XPO4: variants seen among roughly 807,000 people sequenced by gnomAD.
XPO4 encodes exportin 4.
A neutral mutation model predicts 143.0 loss-of-function variants in XPO4; 39 were observed. That is an observed-to-expected ratio of 0.27 (90% CI 0.21 to 0.36). The LOEUF is 0.36. Ranked by LOEUF, XPO4 falls within the 10% of genes least tolerant of loss-of-function variation. XPO4 has a pLI of 1.00. For missense variants in XPO4, 907 were observed against 1,348.0 expected (o/e 0.67, Z 5.12); for synonymous variants, 439 against 474.0 (o/e 0.93, Z 0.96).
At chr13:20,791,096 C>T (rs1358836063) in intron 18 of XPO4, among the ~76,000 whole-genome samples, 6 of 151,616 alleles carry the variant, frequency 4.0e-5, no homozygotes, top group Non-Finnish European at 8.8e-5. Context: ...GGTTATCATT[C>T]TTAATACATA....
intron 12 of XPO4, 88 bp from the exon 13 acceptor site, chr13:20,807,722 AC>A (rs2059525562): frequency 3.0e-6 from 3 of 988,332 alleles, no homozygotes; most frequent in Admixed American, 3.5e-5. Context: ...TGATTTATAT[AC>A]ATCATATAAA....
intron 6 of XPO4, among the ~76,000 whole-genome samples, chr13:20,827,965 C>T (rs865970365): frequency 6.6e-5 from 10 of 152,274 alleles, no homozygotes; most frequent in South Asian, 4.1e-4. Context: ...CGGCCAGTCA[C>T]GGTGGCTCAC....
intron 4 of XPO4, among the ~76,000 whole-genome samples, chr13:20,854,295 G>A (rs1228100131): frequency 5.3e-5 from 8 of 152,156 alleles, no homozygotes; most frequent in Non-Finnish European, 7.3e-5. Context: ...AGAGTGAGTT[G>A]AGCGCATAGC....
intron 6 of XPO4, 32 bp from the exon 7 acceptor site, chr13:20,827,211 A>G (rs2059796011): frequency 1.4e-6 from 2 of 1,466,374 alleles, no homozygotes. Context: ...CAACAATAAC[A>G]TTCTTACTTT....
intron 1 of XPO4, among the ~76,000 whole-genome samples, chr13:20,897,131 A>C (rs941701890): frequency 9.2e-5 from 14 of 152,186 alleles, no homozygotes; most frequent in Non-Finnish European, 1.9e-4. Context: ...ACTACAAGAC[A>C]GGGCTGAAAT....
chr13:20,794,828 C>T (rs2059334971), intron 18 of XPO4, among the ~76,000 whole-genome samples: 1 of 151,922 alleles, frequency 6.6e-6, no homozygotes, highest in South Asian at 2.1e-4. Context: ...AAGGCTGGGC[C>T]TAAAAACAGA....
At position 20,799,080 on chromosome 13, in the gene XPO4, CT is replaced by C. The variant is rs1218990840; in HGVS notation, c.2322+84del. ...AAAGCTATGACTGATACATTTATGT[CT>C]CCAGAGACTCTTACGGCAACGCATA... On this transcript the variant is annotated intron_variant, in intron 16 of 22. Transcript: ENST00000255305. 5 of 1,234,030 alleles carry C rather than the reference CT, an allele frequency of 4.1e-6. No individual in the cohort carries two copies. The African/African-American group carries it at 7.5e-5, about 19-fold the overall frequency. The allele number at this position is 1,234,030 out of a possible 1,614,324, so 76.4% of individuals were successfully genotyped here. A position where few individuals can be genotyped will look rare whatever the true frequency, so the allele number is the denominator to read the frequency against.
At chr13:20,812,081 T>C (rs1019383021) in intron 9 of XPO4, among the ~76,000 whole-genome samples, 2 of 152,134 alleles carry the variant, frequency 1.3e-5, no homozygotes, top group African/African-American at 4.8e-5. Context: ...TGATTAAGAA[T>C]AAGGAGGAGC....
intron 17 of XPO4, 104 bp from the exon 18 acceptor site, chr13:20,796,360 A>G: frequency 3.6e-6 from 3 of 822,768 alleles, no homozygotes; most frequent in Non-Finnish European, 5.1e-6. Context: ...CAACAGTAGC[A>G]ATAATTCTTG....
rs542471378 is a variant in XPO4, at chr13:20,798,496, T to C, written c.2322+669A>G. On this transcript the variant is annotated intron_variant, in intron 16 of 22. Transcript: ENST00000255305. ...GAGCAGCCCTAGGAAATGAATATCA[T>C]GGTTAATCTGCATCTTATTCAAGAC... is the stretch of plus-strand genomic sequence containing the variant. 2.6e-3 allele frequency among the ~76,000 whole-genome samples: 403 copies of C among 152,278 alleles called. 2 individuals are homozygous for C. The highest frequency in any genetic ancestry group is 9.4e-3 in the African/African-American group (389 of 41,550).
intron 2 of XPO4, chr13:20,865,539 T>G: frequency 2.0e-6 from 2 of 979,738 alleles, no homozygotes; most frequent in Non-Finnish European, 2.4e-6. Flanking sequence ...TGCTTTCATC[T>G]GCTACCACAG....
intron 14 of XPO4, among the ~76,000 whole-genome samples, 158 bp from the exon 15 acceptor site, chr13:20,800,483 A>AG (rs1022278192): frequency 6.6e-6 from 1 of 152,182 alleles, no homozygotes; most frequent in Non-Finnish European, 1.5e-5. Flanking sequence ...TCAAAAAAAA[A>AG]GACATCCTCA....
chr13:20,890,615 A>G (rs1198121145), intron 1 of XPO4, among the ~76,000 whole-genome samples: 3 of 151,858 alleles, frequency 2.0e-5, no homozygotes, highest in African/African-American at 4.8e-5. Context: ...CCTGGATAAC[A>G]TGGTGAAACC....
At chr13:20,819,534 C>T (rs1262703142) in intron 9 of XPO4, among the ~76,000 whole-genome samples, 1 of 152,096 alleles carries the variant, frequency 6.6e-6, no homozygotes, top group Admixed American at 6.5e-5. Context: ...ATGGCGCATG[C>T]CTGTAATCCC....
At chr13:20,867,879 C>A (rs1428886472) in intron 2 of XPO4, among the ~76,000 whole-genome samples, 3 of 152,076 alleles carry the variant, frequency 2.0e-5, no homozygotes, top group Admixed American at 6.6e-5. Flanking sequence ...CAGTAATCAG[C>A]TTATAAAATA....
chr13:20,901,657 C>G (rs549448912), intron 1 of XPO4, among the ~76,000 whole-genome samples: 2 of 152,252 alleles, frequency 1.3e-5, no homozygotes, highest in Admixed American at 1.3e-4. Flanking sequence ...AATATTAGAA[C>G]TACAAACTAC....
chr13:20,787,997 A>C (rs1229813245), intron 20 of XPO4, among the ~76,000 whole-genome samples: 1 of 152,194 alleles, frequency 6.6e-6, no homozygotes, highest in Non-Finnish European at 1.5e-5. Flanking sequence ...GGACGAGGCA[A>C]ACTAACGAAA....
chr13:20,797,560 G>A (rs763667239), intron 16 of XPO4, among the ~76,000 whole-genome samples: 7 of 151,988 alleles, frequency 4.6e-5, no homozygotes, highest in South Asian at 2.1e-4. Flanking sequence ...ATCTTAATTC[G>A]ACTTTAAGTT....
chr13:20,852,733 T>C (rs904277850), intron 4 of XPO4: 2 of 980,478 alleles, frequency 2.0e-6, no homozygotes, highest in South Asian at 4.7e-5. Context: ...TATATACATA[T>C]ATTAAAAAAG....
Sources: gnomAD v4.1 joint callset for allele counts (sites outside exome capture counted in the v4.1 genomes callset) on GRCh38, gnomAD v4.1.1 for gene constraint, MANE v1.5 for transcripts, NCBI Gene and HGNC (gene_info 2026-07-23, HGNC 2026-07-21) for gene names.